MED13L: variants seen among roughly 807,000 people sequenced by gnomAD.
MED13L encodes mediator of RNA polymerase II transcription subunit 13-like.
In MED13L, 7 loss-of-function variants were observed where a neutral mutation model predicts 220.9. The observed-to-expected ratio is 0.03, with a 90% CI of 0.02 to 0.06. The LOEUF (loss-of-function observed/expected upper bound fraction) is 0.06. Among genes scored for constraint, MED13L ranks in the 10% least tolerant of loss-of-function variants. The probability of loss-of-function intolerance (pLI) is 1.00; values close to 1 mark genes in which losing one functional copy is unlikely to be tolerated. For missense variants in MED13L, 1,965 were observed against 2,760.5 expected, an observed-to-expected ratio of 0.71 and a Z score of 6.46; for synonymous variants, 1,011 against 1,015.2, an observed-to-expected ratio of 1.00 and a Z score of 0.08.
chr12:116,208,607 T>C (rs1291692448), intron 2 of MED13L, among the ~76,000 whole-genome samples: 19 of 152,308 alleles, frequency 1.2e-4, no homozygotes, highest in Admixed American at 1.2e-3. Flanking sequence ...ATAACTCAAG[T>C]AAGATTCAAC....
intron 2 of MED13L, among the ~76,000 whole-genome samples, chr12:116,189,529 T>C (rs1881130709): frequency 6.6e-6 from 1 of 152,168 alleles, no homozygotes; most frequent in African/African-American, 2.4e-5. Flanking sequence ...TATCTTTTTA[T>C]GGATTGTACT....
chr12:116,071,442 T>C (rs928315067), intron 4 of MED13L, among the ~76,000 whole-genome samples: 7 of 152,248 alleles, frequency 4.6e-5, no homozygotes, highest in Non-Finnish European at 1.0e-4. Flanking sequence ...TTTGTTTTGT[T>C]TGAGACAGAG....
intron 2 of MED13L, among the ~76,000 whole-genome samples, chr12:116,127,556 C>T (rs1875702189): frequency 6.6e-6 from 1 of 152,274 alleles, no homozygotes; most frequent in Admixed American, 6.5e-5. Context: ...ATATTACCCA[C>T]TCAGAATAAC....
intron 2 of MED13L, among the ~76,000 whole-genome samples, chr12:116,156,548 C>T (rs1878458052): frequency 6.6e-6 from 1 of 152,072 alleles, no homozygotes. Flanking sequence ...TTTCCAAGTA[C>T]CAACCTCCTC....
chr12:116,006,241 G>C, intron 12 of MED13L, 65 bp downstream of exon 12: 1 of 1,423,756 alleles, frequency 7.0e-7, no homozygotes, highest in Non-Finnish European at 9.9e-7. Context: ...TTTACATTGA[G>C]AAGCATCTCC....
chr12:116,018,272 C>A (rs1310423299), intron 7 of MED13L, among the ~76,000 whole-genome samples: 1 of 152,184 alleles, frequency 6.6e-6, no homozygotes, highest in Non-Finnish European at 1.5e-5. Flanking sequence ...CGCTCAATCA[C>A]AAAGTATATG....
chr12:116,264,379 T>C (rs893349581), intron 1 of MED13L, among the ~76,000 whole-genome samples: 2 of 152,226 alleles, frequency 1.3e-5, no homozygotes, highest in African/African-American at 2.4e-5. Flanking sequence ...CTTGTGAAAT[T>C]GTAACTTTAA....
At chr12:116,071,055 AATG>A (rs1870331447) in intron 4 of MED13L, among the ~76,000 whole-genome samples, 1 of 152,210 alleles carries the variant, frequency 6.6e-6, no homozygotes, top group East Asian at 1.9e-4. Flanking sequence ...CAGTATTTTT[AATG>A]AATAACGTAA....
intron 4 of MED13L, among the ~76,000 whole-genome samples, chr12:116,077,885 G>A (rs1198216558): frequency 1.3e-5 from 2 of 152,204 alleles, no homozygotes; most frequent in African/African-American, 4.8e-5. Context: ...GGGCACTGTG[G>A]CTCACGCCTG....
chr12:116,166,130 G>A (rs1348021363), intron 2 of MED13L, among the ~76,000 whole-genome samples: 2 of 152,214 alleles, frequency 1.3e-5, no homozygotes, highest in African/African-American at 4.8e-5. Flanking sequence ...TTGGGAAGCT[G>A]AGGCAGGAGA....
intron 2 of MED13L, among the ~76,000 whole-genome samples, chr12:116,136,271 C>T (rs1041284264): frequency 2.0e-5 from 3 of 152,102 alleles, no homozygotes; most frequent in Non-Finnish European, 4.4e-5. Context: ...TGCTATGGTC[C>T]CTTCATATCT....
At chr12:116,155,058 C>T (rs1272350105) in intron 2 of MED13L, among the ~76,000 whole-genome samples, 1 of 152,120 alleles carries the variant, frequency 6.6e-6, no homozygotes, top group East Asian at 1.9e-4. Flanking sequence ...AACTCTTGAC[C>T]TCAAGTGATC....
intron 2 of MED13L, among the ~76,000 whole-genome samples, chr12:116,118,106 G>C (rs1188982255): frequency 6.6e-6 from 1 of 152,112 alleles, no homozygotes; most frequent in Non-Finnish European, 1.5e-5. Context: ...ACTGCACGCA[G>C]TCAAAATTTT....
intron 4 of MED13L, among the ~76,000 whole-genome samples, chr12:116,066,648 A>AT (rs1400260954): frequency 6.6e-6 from 1 of 152,192 alleles, no homozygotes; most frequent in Non-Finnish European, 1.5e-5. Flanking sequence ...CACTATGATT[A>AT]TAAACAATGT....
chr12:116,235,290 AAATTAT>A (rs1869975032), intron 2 of MED13L, among the ~76,000 whole-genome samples: 1 of 152,182 alleles, frequency 6.6e-6, no homozygotes, highest in African/African-American at 2.4e-5. Context: ...GCACTCAATG[AAATTAT>A]AATTATTCCA....
Position 116,032,330 on chromosome 12 carries a change from C to T in MED13L, c.480-9729G>A, listed in dbSNP as rs1312973511. 7.9e-5 allele frequency among the ~76,000 whole-genome samples: 12 copies of T among 152,158 alleles called. No individual in the cohort carries two copies. In the East Asian group the frequency reaches 1.9e-3, roughly 25 times the overall value. Reference sequence around the variant, plus strand: ...TTTAAAGAAAAAAACAAGTGAGAGACAACCTGCTAGTATCACTATTTATAA... The same window carrying T: ...TTTAAAGAAAAAAACAAGTGAGAGATAACCTGCTAGTATCACTATTTATAA... On this transcript the variant is annotated intron_variant, in intron 4 of 30. Transcript: ENST00000281928.
intron 2 of MED13L, among the ~76,000 whole-genome samples, chr12:116,234,957 T>C (rs974666241): frequency 6.6e-6 from 1 of 152,060 alleles, no homozygotes; most frequent in Non-Finnish European, 1.5e-5. Context: ...GCCACCATGC[T>C]CCGCCTATAA....
chr12:116,229,709 T>TA (rs1319843709), intron 2 of MED13L, among the ~76,000 whole-genome samples: 1 of 152,236 alleles, frequency 6.6e-6, no homozygotes, highest in African/African-American at 2.4e-5. Context: ...ATTATGATCT[T>TA]ACCATAATTT....
chr12:115,980,635 A>T lies in MED13L; in HGVS notation c.5364+115T>A, dbSNP rs552024601. 2.7e-6 allele frequency: 3 copies of T among 1,109,166 alleles called. No homozygotes were observed. In the East Asian group the frequency reaches 7.1e-5, roughly 26 times the overall value. The allele number at this position is 1,109,166 out of a possible 1,614,324, so 68.7% of individuals were successfully genotyped here. The stretch of plus-strand genomic sequence containing the variant: ...CAACACATCCAGCCTAGCAACTCTT[A>T]TATCAATGTAGAAGACCAACTAAGC... On this transcript the variant is annotated intron_variant, in intron 23 of 30. Transcript: ENST00000281928.
Sources: allele counts gnomAD v4.1 joint callset (sites outside exome capture counted in the v4.1 genomes callset), GRCh38; gene constraint gnomAD v4.1.1; transcripts MANE v1.5; gene names NCBI Gene and HGNC (gene_info 2026-07-23, HGNC 2026-07-21).